RORB: variants seen among roughly 807,000 people sequenced by gnomAD.
The protein encoded by RORB is nuclear receptor ROR-beta.
RORB carries 6 observed loss-of-function variants against 59.1 expected under a neutral mutation model. The ratio of observed to expected loss-of-function variants is 0.10; its 90% CI spans 0.06 to 0.20. The LOEUF (loss-of-function observed/expected upper bound fraction) is 0.20. RORB is among the 10% of genes least tolerant of loss of function. The pLI, the probability that RORB is intolerant of heterozygous loss-of-function variation, is 1.00. For synonymous variants in RORB, 215 were observed against 204.5 expected, an observed-to-expected ratio of 1.05 and a Z score of -0.44; for missense variants, 320 against 560.5, an observed-to-expected ratio of 0.57 and a Z score of 4.33.
intron 1 of RORB, among the ~76,000 whole-genome samples, chr9:74,590,211 C>T (rs959506074): frequency 3.9e-5 from 6 of 152,110 alleles, no homozygotes. Context: ...CTAGGAGTAG[C>T]AGTAATGTCT....
intron 4 of RORB, among the ~76,000 whole-genome samples, chr9:74,654,793 C>A (rs1451369287): frequency 6.6e-6 from 1 of 151,992 alleles, no homozygotes; most frequent in Non-Finnish European, 1.5e-5. Flanking sequence ...AAGCCTTCCA[C>A]AAAGAATAGT....
rs1824699995 is a variant in RORB at position 74,689,341 on chromosome 9, T to A, written c.*3723T>A. 8 of 152,392 alleles carry A rather than the reference T, an allele frequency of 5.2e-5. No individual in the cohort carries two copies. The highest frequency in any genetic ancestry group is 5.2e-4 in the Admixed American group (8 of 15,284). The allele number at this position is 152,392 out of a possible 1,614,324, so 9.4% of individuals were successfully genotyped here. On this transcript the variant is annotated 3_prime_UTR_variant, in exon 10 of 10. Coordinates refer to ENST00000376896, the MANE Select transcript of RORB (RefSeq NM_006914.4). ...CTGGTCCTGAACTCCTGACCTCAAG[T>A]GATCCACCCGCCTTGGCCTCCCAAA...
intron 1 of RORB, among the ~76,000 whole-genome samples, chr9:74,607,249 T>C (rs1485463251): frequency 6.6e-6 from 1 of 152,200 alleles, no homozygotes; most frequent in Non-Finnish European, 1.5e-5. Context: ...GGGAAGATTC[T>C]TATGTTATCA....
chr9:74,605,511 C>T (rs574837981), intron 1 of RORB, among the ~76,000 whole-genome samples: 1 of 152,264 alleles, frequency 6.6e-6, no homozygotes, highest in South Asian at 2.1e-4. Context: ...AAGGAAGTGA[C>T]CCGGTGTCTG....
At chr9:74,546,013 G>A (rs145257065) in intron 1 of RORB, among the ~76,000 whole-genome samples, 3 of 152,194 alleles carry the variant, frequency 2.0e-5, no homozygotes, top group Non-Finnish European at 4.4e-5. Flanking sequence ...TAGTCCAGGA[G>A]AGTGATACTA....
chr9:74,609,508 T>C (rs17613014), intron 1 of RORB, among the ~76,000 whole-genome samples: 48,190 of 152,084 alleles, frequency 0.32, 7,778 homozygotes, highest in Non-Finnish European at 0.35. Context: ...ATGTAAAGAC[T>C]TCAGGAGAAT....
At chr9:74,652,712 T>C (rs1167418701) in intron 4 of RORB, among the ~76,000 whole-genome samples, 2 of 152,182 alleles carry the variant, frequency 1.3e-5, no homozygotes, top group Non-Finnish European at 2.9e-5. Flanking sequence ...TTCGCTGATA[T>C]GTCAGTTGGC....
chr9:74,498,170 T>A, intron 1 of RORB, 187 bp downstream of exon 1: 1 of 683,108 alleles, frequency 1.5e-6, no homozygotes, highest in Non-Finnish European at 2.5e-6. Flanking sequence ...GGTGTTGATG[T>A]CTTTCGGGAG....
chr9:74,576,300 G>T (rs1228724144), intron 1 of RORB, among the ~76,000 whole-genome samples: 1 of 152,058 alleles, frequency 6.6e-6, no homozygotes, highest in Non-Finnish European at 1.5e-5. Context: ...ACCCATCCTG[G>T]CTCCTGTCTG....
Position 74,662,469 on chromosome 9 carries a change from T to A in RORB, c.760-5T>A. The A allele has an allele frequency of 6.2e-7, 1 of 1,613,950 alleles. No individual in the cohort carries two copies. ...TATTTACATTCTGTGTCTTCTCTCC[T>A]CAAGTCCAGGGAAGCACTGTGGCAA... On this transcript the variant is annotated splice_region_variant and splice_polypyrimidine_tract_variant and intron_variant, in intron 5 of 9. Transcript: ENST00000376896.
intron 4 of RORB, among the ~76,000 whole-genome samples, chr9:74,643,595 C>T (rs974523069): frequency 6.6e-6 from 1 of 152,198 alleles, no homozygotes; most frequent in Non-Finnish European, 1.5e-5. Flanking sequence ...CATCAACTAA[C>T]TGCCATAAAA....
At chr9:74,560,433 G>A (rs917827938) in intron 1 of RORB, among the ~76,000 whole-genome samples, 2 of 151,990 alleles carry the variant, frequency 1.3e-5, no homozygotes, top group African/African-American at 4.8e-5. Context: ...CTCCATCTAC[G>A]AACAATCATC....
intron 2 of RORB, among the ~76,000 whole-genome samples, chr9:74,632,639 G>T (rs1029426152): frequency 9.2e-5 from 14 of 152,268 alleles, no homozygotes; most frequent in African/African-American, 2.9e-4. Context: ...CGTAATTAAT[G>T]TCAAATTGGT....
At chr9:74,504,812 T>A (rs1337582870) in intron 1 of RORB, among the ~76,000 whole-genome samples, 1 of 152,064 alleles carries the variant, frequency 6.6e-6, no homozygotes, top group Non-Finnish European at 1.5e-5. Context: ...TAAAGAAAAC[T>A]GTTACATAGT....
At chr9:74,557,254 A>G (rs967131055) in intron 1 of RORB, among the ~76,000 whole-genome samples, 2 of 152,164 alleles carry the variant, frequency 1.3e-5, no homozygotes, top group Non-Finnish European at 2.9e-5. Flanking sequence ...GTTGGCTCAA[A>G]TAAATAGATG....
At chr9:74,499,575 T>C (rs1283854879) in intron 1 of RORB, among the ~76,000 whole-genome samples, 1 of 152,188 alleles carries the variant, frequency 6.6e-6, no homozygotes, top group Non-Finnish European at 1.5e-5. Context: ...CCCGTGTGTG[T>C]GCGCGCTGGC....
intron 3 of RORB, among the ~76,000 whole-genome samples, chr9:74,639,234 G>A (rs2118450300): frequency 6.6e-6 from 1 of 152,350 alleles, no homozygotes; most frequent in Admixed American, 6.5e-5. Context: ...GCTCAGGCAT[G>A]TCCTTGTCAT....
At chr9:74,567,816 G>T (rs1343136004) in intron 1 of RORB, among the ~76,000 whole-genome samples, 1 of 152,162 alleles carries the variant, frequency 6.6e-6, no homozygotes, top group Non-Finnish European at 1.5e-5. Context: ...TCATTCGAAG[G>T]CATTGCATGT....
chr9:74,642,653 G>C lies in RORB; in HGVS notation c.475G>C (p.Asp159His), dbSNP rs1292600558. 2 of 1,614,072 alleles carry C rather than the reference G, an allele frequency of 1.2e-6. No homozygotes were observed. Among genetic ancestry groups the C allele is most frequent in the Non-Finnish European group, 1.7e-6 (2 of 1,180,044 alleles). Residue 159 changes from aspartate (D) to histidine (H), a missense_variant, in exon 4 of 10, where the codon GAT becomes CAT. By Grantham distance (81) the Asp-to-His change is moderately conservative (BLOSUM62 -1). This residue lies in a region of RORB where 134 missense variants were observed against 156.2 expected (regional missense o/e 0.86). Transcript: ENST00000376896. The stretch of plus-strand genomic sequence containing the variant: ...CAAGTCTGAGGGTTATTACAACGTC[G>C]ATTCCGGTCAGCCGTCCCCTGATCA... ...LPKSEGYYNV[D>H]SGQPSPDQSG... is the part of the protein sequence containing the mutation.
Sources: gnomAD v4.1 joint callset for allele counts (sites outside exome capture counted in the v4.1 genomes callset) on GRCh38, gnomAD v4.1.1 for gene constraint, gnomAD v4.1.1 regional missense constraint, MANE v1.5 for transcripts, NCBI Gene and HGNC (gene_info 2026-07-23, HGNC 2026-07-21) for gene names.